Variants in ANO2 observed in about 807,000 individuals in gnomAD.
ANO2 encodes anoctamin 2.
A neutral mutation model predicts 124.2 loss-of-function variants in ANO2; 101 were observed. The ratio of observed to expected loss-of-function variants is 0.81; its 90% CI spans 0.69 to 0.96. ANO2 has a LOEUF of 0.96. Among genes scored for constraint, ANO2 ranks in the 40% least tolerant of loss-of-function variants. The pLI is 0.00. For missense variants in ANO2, 1,293 were observed against 1,274.5 expected (o/e 1.01, Z -0.22); for synonymous variants, 486 against 482.5 (o/e 1.01, Z -0.09).
At position 5,635,326 on chromosome 12, in the gene ANO2, C is replaced by T. The variant is rs774365666; in HGVS notation, c.1642G>A (p.Val548Ile). Residue 548 changes from valine to isoleucine, a missense_variant, in exon 16 of 25, where the codon GTC (valine) becomes ATC (isoleucine). By Grantham distance (29) the Val-to-Ile change is conservative. Transcript: ENST00000682330. The surrounding 1 kb of genome is among the most constrained non-coding windows in gnomAD (Gnocchi z 5.2). ...ATTCGATACACTATCACCCCAAAGA[C>T]GATTGAGAATGTCAGGGCAATCTGT... ...LFMIALTFSI[V>I]FGVIVYRITT... is the part of the protein sequence containing the mutation. 5.7e-6 allele frequency: 9 copies of T among 1,580,962 alleles called. No homozygotes were observed. Among genetic ancestry groups the T allele is most frequent in the Middle Eastern group, 1.7e-4 (1 of 5,932 alleles).
chr12:5,625,367 TGAGA>T (rs57475041), intron 16 of ANO2, among the ~76,000 whole-genome samples: 42,884 of 146,352 alleles, frequency 0.29, 7,169 homozygotes, highest in East Asian at 0.49. Context: ...ATCCTAGGGG[TGAGA>T]GAGAGAGAGA....
intron 3 of ANO2, among the ~76,000 whole-genome samples, chr12:5,860,697 C>G (rs1955241064): frequency 5.9e-5 from 9 of 152,148 alleles, no homozygotes; most frequent in Admixed American, 5.9e-4. Flanking sequence ...AACTTTCCAC[C>G]TGACCAGGAA....
At chr12:5,889,330 G>A (rs1391401005) in intron 3 of ANO2, among the ~76,000 whole-genome samples, 1 of 152,258 alleles carries the variant, frequency 6.6e-6, no homozygotes, top group Non-Finnish European at 1.5e-5. Context: ...CTCTTCAAGT[G>A]CCACCAAAGT....
rs539034876 is a variant in ANO2 at position 5,925,253 on chromosome 12, A to T, written c.23-2449T>A. On this transcript the variant is annotated intron_variant, in intron 1 of 24. Coordinates refer to ENST00000682330, the MANE Select transcript of ANO2 (RefSeq NM_001364791.2). The surrounding 1 kb of genome is among the most constrained non-coding windows in gnomAD (Gnocchi z 4.6). ...AGTAGCTCAGATTCAAGGGCAATGC[A>T]AAGCTTTGGTCCAGCTGCTGTCCAG... Among the ~76,000 whole-genome samples, 1 of 152,310 alleles carries T rather than the reference A, an allele frequency of 6.6e-6. No individual in the cohort carries two copies. Among genetic ancestry groups the T allele is most frequent in the East Asian group, 1.9e-4 (1 of 5,180 alleles).
In ANO2 at chr12:5,732,504, A is replaced by G. The variant is rs1178530770; in HGVS notation, c.1545+16T>C. On this transcript the variant is annotated intron_variant, in intron 14 of 24. Coordinates refer to ENST00000682330, the MANE Select transcript of ANO2 (RefSeq NM_001364791.2). ...ACAAGTAAAGAGGACCGTGAGCAGC[A>G]AGTCCAGCTTCATACCTCATCGCCA... 1 of 1,598,718 alleles carries G rather than the reference A, an allele frequency of 6.3e-7. No homozygotes were observed. The highest frequency in any genetic ancestry group is 8.5e-7 in the Non-Finnish European group (1 of 1,171,052).
At chr12:5,843,660 A>T (rs1184379947) in intron 4 of ANO2, among the ~76,000 whole-genome samples, 1 of 152,158 alleles carries the variant, frequency 6.6e-6, no homozygotes, top group African/African-American at 2.4e-5. Flanking sequence ...CCGATAAAGG[A>T]AGGAGTTGGT....
Position 5,739,905 on chromosome 12 carries a change from T to A in ANO2, c.1352-506A>T, listed in dbSNP as rs80182422. The A allele has an allele frequency of 1.5e-3, 695 of 456,268 alleles. 8 individuals are homozygous for A. Among genetic ancestry groups the A allele is most frequent in the African/African-American group, 0.013 (642 of 50,194 alleles). The allele number at this position is 456,268 out of a possible 1,614,324, so 28.3% of individuals were successfully genotyped here. On this transcript the variant is annotated intron_variant, in intron 12 of 24. Coordinates refer to ENST00000682330, the MANE Select transcript of ANO2 (RefSeq NM_001364791.2). ...TTACATAACAGTCTCCTAACAGTTC[T>A]ACCTGACTCCAGACTTTCAGCCTTC...
intron 4 of ANO2, among the ~76,000 whole-genome samples, chr12:5,846,835 T>C (rs1354292327): frequency 6.6e-6 from 1 of 152,224 alleles, no homozygotes; most frequent in Non-Finnish European, 1.5e-5. Flanking sequence ...CATCCTGAGA[T>C]CCTTAACTAA....
intron 14 of ANO2, among the ~76,000 whole-genome samples, chr12:5,684,073 C>G (rs890175226): frequency 6.6e-6 from 1 of 152,200 alleles, no homozygotes; most frequent in Non-Finnish European, 1.5e-5. Context: ...ACCACCACTG[C>G]AGTCACAGGC....
At chr12:5,763,224 G>A (rs139525111) in intron 10 of ANO2, among the ~76,000 whole-genome samples, 42 of 152,072 alleles carry the variant, frequency 2.8e-4, no homozygotes, top group Middle Eastern at 6.8e-3. Context: ...TATTTAATAC[G>A]TTAAATTACA....
chr12:5,578,499 G>A lies in ANO2; in HGVS notation c.2253C>T (p.Val751=), dbSNP rs1942556804. Residue 751 remains valine (V), a synonymous_variant, in exon 21 of 25, where the codon GTC becomes GTT. Transcript: ENST00000682330. ...GGGGAAAGGAGGCCACGAAGAGGGTGACAAAACCAAACTGGATGACTGCGA... is the reference window on the plus strand; with the variant it reads ...GGGGAAAGGAGGCCACGAAGAGGGTAACAAAACCAAACTGGATGACTGCGA... ...YMEMIIQFGF[V]TLFVASFPLA... The A allele has an allele frequency of 1.2e-6, 2 of 1,613,584 alleles. No individual in the cohort carries two copies. The highest frequency in any genetic ancestry group is 1.7e-6 in the Non-Finnish European group (2 of 1,179,780).
Position 5,615,301 on chromosome 12 carries a change from T to G in ANO2, c.1817-4A>C. 1.9e-6 allele frequency: 3 copies of G among 1,609,816 alleles called. No individual in the cohort carries two copies. The highest frequency in any genetic ancestry group is 1.7e-6 in the Non-Finnish European group (2 of 1,177,528). ...GTCTGTTCTGTTTTCGGAACCTCTGTAAGAGAAGAGCGAGGCTGATGAGAT... is the reference window on the plus strand; with the variant it reads ...GTCTGTTCTGTTTTCGGAACCTCTGGAAGAGAAGAGCGAGGCTGATGAGAT... On this transcript the variant is annotated splice_polypyrimidine_tract_variant and splice_region_variant and intron_variant, in intron 16 of 24. Transcript: ENST00000682330.
At chr12:5,665,212 G>A (rs1947640004) in intron 14 of ANO2, among the ~76,000 whole-genome samples, 2 of 152,286 alleles carry the variant, frequency 1.3e-5, no homozygotes, top group South Asian at 2.1e-4. Flanking sequence ...TGGTCTCCAA[G>A]TTGACCCCTT....
intron 16 of ANO2, among the ~76,000 whole-genome samples, chr12:5,631,652 G>T (rs147799054): frequency 9.2e-5 from 14 of 152,292 alleles, no homozygotes; most frequent in Admixed American, 2.0e-4. Context: ...ACTGACAGCC[G>T]AGAGGCCAGA....
chr12:5,583,603 A>G (rs1942891822), intron 20 of ANO2, among the ~76,000 whole-genome samples: 1 of 141,104 alleles, frequency 7.1e-6, no homozygotes, highest in Non-Finnish European at 1.5e-5. Context: ...CAGTGAGCCA[A>G]GATTGTGCCA....
At chr12:5,729,549 T>C (rs763443288) in intron 14 of ANO2, among the ~76,000 whole-genome samples, 34 of 152,176 alleles carry the variant, frequency 2.2e-4, no homozygotes, top group Non-Finnish European at 1.6e-4. Flanking sequence ...ACCTCCTAAA[T>C]AGCTGGTTGG....
intron 14 of ANO2, 136 bp from the exon 15 acceptor site, chr12:5,647,937 C>T (rs1442184726): frequency 3.0e-6 from 2 of 674,382 alleles, no homozygotes; most frequent in Non-Finnish European, 5.1e-6. Context: ...TGATGCCTTA[C>T]TCTCCATATC....
chr12:5,946,203 T>C (rs1003926028), upstream of ANO2: 13 of 1,611,594 alleles, frequency 8.1e-6, no homozygotes, highest in African/African-American at 2.7e-5. The surrounding 1 kb of genome is among the most constrained non-coding windows in gnomAD (Gnocchi z 4.1). Context: ...CTGGTCATGA[T>C]AGATCCCACT....
At chr12:5,827,653 G>T (rs747917456) in intron 7 of ANO2, 116 bp downstream of exon 7, 1 of 1,245,580 alleles carries the variant, frequency 8.0e-7, no homozygotes, top group African/African-American at 1.5e-5. Flanking sequence ...CAGCCTCTCC[G>T]TGGGGGGCAT....
Sources: allele counts gnomAD v4.1 joint callset (sites outside exome capture counted in the v4.1 genomes callset), GRCh38; gene constraint gnomAD v4.1.1; non-coding constraint Gnocchi (gnomAD v3.1); transcripts MANE v1.5; gene names NCBI Gene and HGNC (gene_info 2026-07-23, HGNC 2026-07-21).